UNC5D: variants seen among roughly 807,000 people sequenced by gnomAD.
UNC5D encodes unc-5 netrin receptor D, also known as netrin receptor UNC5D.
Under a neutral mutation model 105.4 loss-of-function variants are expected in UNC5D, and 39 were observed. The observed-to-expected ratio is 0.37, with a 90% CI of 0.29 to 0.48. The LOEUF is 0.48. Among genes scored for constraint, UNC5D ranks in the 20% least tolerant of loss-of-function variants. The pLI is 0.98. For missense variants in UNC5D, 991 were observed against 1,202.4 expected (o/e 0.82, Z 2.60); for synonymous variants, 452 against 450.4 (o/e 1.00, Z -0.04).
intron 4 of UNC5D, among the ~76,000 whole-genome samples, chr8:35,656,381 G>T (rs1205688438): frequency 6.6e-6 from 1 of 152,128 alleles, no homozygotes; most frequent in African/African-American, 2.4e-5. Flanking sequence ...TGGTATATCA[G>T]GTTTTTCTGA....
intron 1 of UNC5D, among the ~76,000 whole-genome samples, chr8:35,483,454 A>T (rs1241707502): frequency 6.6e-6 from 1 of 152,182 alleles, no homozygotes; most frequent in African/African-American, 2.4e-5. Context: ...CATGTTCTGT[A>T]TATTTCATAC....
intron 1 of UNC5D, among the ~76,000 whole-genome samples, chr8:35,366,862 G>A: frequency 6.6e-6 from 1 of 152,144 alleles, no homozygotes; most frequent in East Asian, 1.9e-4. Flanking sequence ...CTGATCAGAA[G>A]CCAATCAACT....
chr8:35,709,869 G>A (rs917468537), intron 8 of UNC5D, among the ~76,000 whole-genome samples: 1 of 152,118 alleles, frequency 6.6e-6, no homozygotes, highest in Non-Finnish European at 1.5e-5. Context: ...AAGGAGACCA[G>A]GATGTCTGCA....
chr8:35,620,400 A>G (rs995825156), intron 4 of UNC5D, among the ~76,000 whole-genome samples: 3 of 152,178 alleles, frequency 2.0e-5, no homozygotes, highest in African/African-American at 7.2e-5. Flanking sequence ...TTTCATCCGT[A>G]GAATGTAGAT....
chr8:35,414,540 G>T (rs555373760), intron 1 of UNC5D, among the ~76,000 whole-genome samples: 1 of 150,986 alleles, frequency 6.6e-6, no homozygotes, highest in Non-Finnish European at 1.5e-5. Flanking sequence ...CCAAAACTAG[G>T]ATCTATATAA....
chr8:35,245,666 C>A (rs974086925), intron 1 of UNC5D, among the ~76,000 whole-genome samples: 7 of 152,100 alleles, frequency 4.6e-5, no homozygotes, highest in Admixed American at 1.3e-4. Flanking sequence ...TAGCAGCTAA[C>A]TTGCAATGCA....
intron 1 of UNC5D, among the ~76,000 whole-genome samples, chr8:35,524,697 T>C (rs543710039): frequency 7.4e-6 from 1 of 135,304 alleles, no homozygotes; most frequent in East Asian, 2.2e-4. Flanking sequence ...AAAACAAAAA[T>C]TTAAAGTGAG....
chr8:35,780,245 G>T (rs188225833), intron 16 of UNC5D, among the ~76,000 whole-genome samples: 1 of 152,322 alleles, frequency 6.6e-6, no homozygotes, highest in Admixed American at 6.5e-5. Context: ...CTTCAGATTT[G>T]AGAGTTAATG....
At position 35,436,780 on chromosome 8, in the gene UNC5D, C is replaced by T. The variant is rs141435777; in HGVS notation, c.104-112512C>T. On this transcript the variant is annotated intron_variant, in intron 1 of 16. Coordinates refer to ENST00000404895, the MANE Select transcript of UNC5D (RefSeq NM_080872.4). Reference sequence around the variant, plus strand: ...AAATGATGACTACTGAGATTCATAACTCCTACTGTGTTTCAGTTAAGAAAC... The same window carrying T: ...AAATGATGACTACTGAGATTCATAATTCCTACTGTGTTTCAGTTAAGAAAC... Among the ~76,000 whole-genome samples, 25 of 152,102 alleles carry T rather than the reference C, an allele frequency of 1.6e-4. 1 individual carries two copies. The East Asian group carries it at 4.5e-3, about 27-fold the overall frequency.
chr8:35,245,212 C>T (rs2128804612), intron 1 of UNC5D, among the ~76,000 whole-genome samples: 1 of 151,974 alleles, frequency 6.6e-6, no homozygotes, highest in East Asian at 1.9e-4. Context: ...TTTAGTGGCA[C>T]AATACAATTA....
chr8:35,438,197 G>A (rs942949334), intron 1 of UNC5D, among the ~76,000 whole-genome samples: 1 of 152,056 alleles, frequency 6.6e-6, no homozygotes, highest in African/African-American at 2.4e-5. Flanking sequence ...ACCGACTCCA[G>A]ACAGACGTGG....
At chr8:35,718,223 G>A (rs1828365198) in intron 8 of UNC5D, among the ~76,000 whole-genome samples, 1 of 152,068 alleles carries the variant, frequency 6.6e-6, no homozygotes, top group Non-Finnish European at 1.5e-5. Context: ...AAGAAAACAG[G>A]AAAGACATTA....
At chr8:35,528,039 G>GTTTT (rs398007485) in intron 1 of UNC5D, among the ~76,000 whole-genome samples, 4 of 125,124 alleles carry the variant, frequency 3.2e-5, no homozygotes, top group Non-Finnish European at 3.3e-5. Context: ...GAAACAGCTG[G>GTTTT]TTTTTTTTTT....
chr8:35,665,074 A>G (rs1209139794), intron 4 of UNC5D, among the ~76,000 whole-genome samples: 1 of 152,130 alleles, frequency 6.6e-6, no homozygotes, highest in Non-Finnish European at 1.5e-5. Flanking sequence ...GCCTCAAGCC[A>G]TCCTCCTGCC....
intron 4 of UNC5D, among the ~76,000 whole-genome samples, chr8:35,622,858 G>A (rs1318287516): frequency 6.6e-6 from 1 of 152,134 alleles, no homozygotes; most frequent in Non-Finnish European, 1.5e-5. Context: ...TACTTAGCCT[G>A]TAATAGCTCA....
Position 35,336,207 on chromosome 8 carries a change from C to G in UNC5D, c.103+100320C>G, listed in dbSNP as rs531727739. Among the ~76,000 whole-genome samples the G allele has an allele frequency of 2.7e-4, 41 of 152,220 alleles. No individual in the cohort carries two copies. In the South Asian group the frequency reaches 6.2e-3, roughly 23 times the overall value. On this transcript the variant is annotated intron_variant, in intron 1 of 16. Transcript: ENST00000404895. ...ATATAAAGAAAATGCAATTTTGAAG[C>G]TGCTTCTTTGGTTGGTGCATTGTAA...
intron 4 of UNC5D, among the ~76,000 whole-genome samples, chr8:35,645,430 C>A (rs150224704): frequency 2.0e-5 from 3 of 151,812 alleles, no homozygotes; most frequent in African/African-American, 7.3e-5. Context: ...AATCTTTTAG[C>A]AAAATAATGC....
chr8:35,506,182 T>C (rs118008152), intron 1 of UNC5D, among the ~76,000 whole-genome samples: 1 of 152,322 alleles, frequency 6.6e-6, no homozygotes, highest in East Asian at 1.9e-4. Flanking sequence ...TGATCCTCAA[T>C]GTGTTGACTA....
chr8:35,332,825 C>T (rs1810727069), intron 1 of UNC5D, among the ~76,000 whole-genome samples: 1 of 152,158 alleles, frequency 6.6e-6, no homozygotes. Flanking sequence ...GTATGGTAAA[C>T]TGAGTGCTGG....
Sources: allele counts gnomAD v4.1 joint callset (sites outside exome capture counted in the v4.1 genomes callset), GRCh38; gene constraint gnomAD v4.1.1; transcripts MANE v1.5; gene names NCBI Gene and HGNC (gene_info 2026-07-23, HGNC 2026-07-21).